Variants in LDAF1 observed in about 807,000 individuals in gnomAD.
LDAF1 encodes the protein lipid droplet assembly factor 1, also known as PROMETHIN.
LDAF1 carries 7 observed loss-of-function variants against 13.5 expected under a neutral mutation model. The observed-to-expected ratio is 0.52, with a 90% CI of 0.29 to 0.97. The LOEUF (loss-of-function observed/expected upper bound fraction) is 0.97. LDAF1 is among the 50% of genes least tolerant of loss of function. The pLI is 0.07. For missense variants in LDAF1, 148 were observed against 193.2 expected, an observed-to-expected ratio of 0.77 and a Z score of 1.39; for synonymous variants, 69 against 77.1, an observed-to-expected ratio of 0.89 and a Z score of 0.55.
intron 4 of LDAF1, among the ~76,000 whole-genome samples, chr16:21,174,886 A>G (rs1186795198): frequency 2.0e-5 from 3 of 152,112 alleles, no homozygotes; most frequent in Non-Finnish European, 2.9e-5. Flanking sequence ...AAGTCTGTCA[A>G]TCCCCTCTGC....
intron 4 of LDAF1, chr16:21,178,523 GC>G: frequency 2.5e-6 from 1 of 399,604 alleles, no homozygotes; most frequent in Non-Finnish European, 3.4e-6. Context: ...GGCTGGTGCA[GC>G]CAGTGTGGTA....
At chr16:21,174,218 C>T in intron 4 of LDAF1, 70 bp downstream of exon 4, 7 of 1,416,642 alleles carry the variant, frequency 4.9e-6, no homozygotes, top group Non-Finnish European at 6.7e-6. Flanking sequence ...GAGACAAGGC[C>T]TCACTCTGTC....
intron 2 of LDAF1, 106 bp from the exon 3 acceptor site, chr16:21,170,331 C>G (rs2093074544): frequency 1.3e-6 from 2 of 1,562,634 alleles, no homozygotes; most frequent in African/African-American, 1.4e-5. Context: ...CATAAGCCTT[C>G]TGGCTTTACG....
chr16:21,170,261 C>T, intron 2 of LDAF1, 176 bp from the exon 3 acceptor site: 1 of 982,528 alleles, frequency 1.0e-6, no homozygotes, highest in Non-Finnish European at 1.2e-6. Flanking sequence ...CCTTGGCCTC[C>T]CAAAGTGTTG....
chr16:21,178,356 A>G (rs2093157428), intron 4 of LDAF1: 2 of 985,242 alleles, frequency 2.0e-6, no homozygotes, highest in Non-Finnish European at 2.4e-6. Context: ...GCTTCCTTAC[A>G]TCTTTACTAA....
At chr16:21,174,818 G>A (rs953697203) in intron 4 of LDAF1, among the ~76,000 whole-genome samples, 1 of 152,104 alleles carries the variant, frequency 6.6e-6, no homozygotes, top group African/African-American at 2.4e-5. Flanking sequence ...AATGACCCAC[G>A]AGACATGTCT....
chr16:21,166,729 A>G, intron 2 of LDAF1: 1 of 800,660 alleles, frequency 1.2e-6, no homozygotes, highest in South Asian at 1.6e-5. Flanking sequence ...TCAAATAAGG[A>G]TGCATGTGGA....
At chr16:21,176,513 C>T (rs551874496) in intron 4 of LDAF1, among the ~76,000 whole-genome samples, 11 of 152,134 alleles carry the variant, frequency 7.2e-5, no homozygotes, top group East Asian at 3.9e-4. Flanking sequence ...TGTGGTGGTG[C>T]GTGCCTGTAG....
In LDAF1 at chr16:21,179,554, T is replaced by C; in HGVS notation, c.484T>C (p.Ter162ArgextTer24). 6.2e-7 allele frequency: 1 copy of C among 1,613,774 alleles called. No homozygotes were observed. The highest frequency in any genetic ancestry group is 2.2e-5 in the East Asian group (1 of 44,876). ...SAEFEGLYQE[*>R] The stretch of plus-strand genomic sequence containing the variant: ...AGAATTCGAGGGGCTTTACCAGGAA[T>C]GAGTGACTGCTCAGAGGCCGGGCTT... The change falls in exon 5 of 5, where the codon TGA becomes CGA. Residue 162 changes from the stop codon to arginine (R), a stop_lost. Coordinates refer to ENST00000233047, the MANE Select transcript of LDAF1 (RefSeq NM_001301771.2).
At chr16:21,173,222 TG>T (rs2093106283) in intron 3 of LDAF1, 1 of 152,232 alleles carries the variant, frequency 6.6e-6, no homozygotes, top group Non-Finnish European at 1.5e-5. Flanking sequence ...ATTTAGATTT[TG>T]CTTTAGCCTG....
chr16:21,159,313 C>A, intron 1 of LDAF1: 2 of 1,609,158 alleles, frequency 1.2e-6, no homozygotes, highest in Non-Finnish European at 1.7e-6. Context: ...GGGACGCGGA[C>A]CCCCTCTCCA....
chr16:21,175,573 C>T (rs73535738), intron 4 of LDAF1, among the ~76,000 whole-genome samples: 2,289 of 152,236 alleles, frequency 0.015, 60 homozygotes, highest in African/African-American at 0.05. Context: ...ACTCTGTTGC[C>T]GTAGCATGAA....
At chr16:21,172,926 CA>C in intron 3 of LDAF1, 3 of 682,892 alleles carry the variant, frequency 4.4e-6, no homozygotes, top group Non-Finnish European at 5.4e-6. Flanking sequence ...TGGCCACTCA[CA>C]AAGCAAAGGG....
chr16:21,164,461 G>A (rs536074221), intron 2 of LDAF1, among the ~76,000 whole-genome samples: 1 of 152,118 alleles, frequency 6.6e-6, no homozygotes, highest in Non-Finnish European at 1.5e-5. Context: ...GTGTTGCCCA[G>A]GCTGGTCTCA....
chr16:21,163,300 G>A (rs1031093062), intron 2 of LDAF1, among the ~76,000 whole-genome samples: 5 of 152,274 alleles, frequency 3.3e-5, no homozygotes, highest in African/African-American at 7.2e-5. Flanking sequence ...GGGAATGTAC[G>A]TGGCAGGTGA....
At chr16:21,176,835 G>A (rs1396733499) in intron 4 of LDAF1, among the ~76,000 whole-genome samples, 1 of 151,410 alleles carries the variant, frequency 6.6e-6, no homozygotes, top group Non-Finnish European at 1.5e-5. Context: ...GGGAGGTTGG[G>A]GGTGCAGTGA....
intron 4 of LDAF1, among the ~76,000 whole-genome samples, chr16:21,177,881 A>T (rs2093153672): frequency 6.6e-6 from 1 of 151,980 alleles, no homozygotes; most frequent in African/African-American, 2.4e-5. Context: ...GCCTCCCAAG[A>T]TGCTGGGATT....
In LDAF1 at chr16:21,179,869, T is replaced by TA; in HGVS notation, c.*314dup. 4.1e-6 allele frequency: 1 copy of TA among 241,856 alleles called. No individual in the cohort carries two copies. The highest frequency in any genetic ancestry group is 8.0e-6 in the Non-Finnish European group (1 of 124,834). 15.0% of individuals were successfully genotyped at this position (241,856 alleles called of 1,614,324 possible). ...CCGTTGACCCCAAAGCCTCAGGGCT[T>TA]ATGTCCAACGGTCCCATTGGGAGCA... On this transcript the variant is annotated 3_prime_UTR_variant, in exon 5 of 5. Transcript: ENST00000233047.
chr16:21,168,076 G>A (rs1392478392), intron 2 of LDAF1, among the ~76,000 whole-genome samples: 1 of 147,850 alleles, frequency 6.8e-6, no homozygotes, highest in African/African-American at 2.5e-5. Flanking sequence ...GTGCAATGGC[G>A]CCATCTTGGC....
Sources: gnomAD v4.1 joint callset for allele counts (sites outside exome capture counted in the v4.1 genomes callset) on GRCh38, gnomAD v4.1.1 for gene constraint, MANE v1.5 for transcripts, NCBI Gene and HGNC (gene_info 2026-07-23, HGNC 2026-07-21) for gene names.